Variants in DNAJC1 observed in about 807,000 individuals in gnomAD.
DNAJC1 encodes the protein DnaJ heat shock protein family (Hsp40) member C1.
A neutral mutation model predicts 76.6 loss-of-function variants in DNAJC1; 58 were observed. That is an observed-to-expected ratio of 0.76 (90% CI 0.61 to 0.94). The LOEUF is 0.94. Among genes scored for constraint, DNAJC1 ranks in the 40% least tolerant of loss-of-function variants. The pLI is 0.00. For missense variants in DNAJC1, 689 were observed against 677.3 expected, an observed-to-expected ratio of 1.02 and a Z score of -0.19; for synonymous variants, 258 against 267.9, an observed-to-expected ratio of 0.96 and a Z score of 0.36.
At position 21,759,607 on chromosome 10, in the gene DNAJC1, G is replaced by C. The variant is rs756397331; in HGVS notation, c.1159C>G (p.Leu387Val). The C allele has an allele frequency of 1.9e-6, 3 of 1,613,084 alleles. No individual in the cohort carries two copies. The highest frequency in any genetic ancestry group is 1.3e-5 in the African/African-American group (1 of 75,046). Reference sequence around the variant, plus strand: ...TGAACTGTCGATTTGAGTTCGGAGAGTCTAACCATTCCTAGGAAAGAGGGT... The same window carrying C: ...TGAACTGTCGATTTGAGTTCGGAGACTCTAACCATTCCTAGGAAAGAGGGT... ...SVTCSPGMVR[L>V]SELKSTVQNS... The change falls in exon 11 of 12, where the codon CTC becomes GTC. Residue 387 changes from leucine (L) to valine (V), a missense_variant. Coordinates refer to ENST00000376980, the MANE Select transcript of DNAJC1 (RefSeq NM_022365.4).
intron 9 of DNAJC1, among the ~76,000 whole-genome samples, chr10:21,773,644 A>G (rs1834416763): frequency 6.6e-6 from 1 of 152,182 alleles, no homozygotes; most frequent in South Asian, 2.1e-4. Context: ...AAAGGGAGGT[A>G]TTGAAATTTC....
intron 8 of DNAJC1, among the ~76,000 whole-genome samples, chr10:21,821,353 G>C (rs1835156631): frequency 6.6e-6 from 1 of 152,150 alleles, no homozygotes; most frequent in Non-Finnish European, 1.5e-5. Flanking sequence ...GTGGTATATA[G>C]TTTTACTAAA....
intron 1 of DNAJC1, among the ~76,000 whole-genome samples, chr10:21,990,580 T>C (rs1193718628): frequency 1.3e-5 from 2 of 152,158 alleles, no homozygotes; most frequent in African/African-American, 4.8e-5. Flanking sequence ...ATACAAAAAC[T>C]TAACAGGTTG....
chr10:21,852,095 A>ACC (rs1338664773), intron 8 of DNAJC1, among the ~76,000 whole-genome samples: 4 of 2,136 alleles, frequency 1.9e-3, no homozygotes, highest in African/African-American at 0.01. Context: ...TGTGAGATAC[A>ACC]CACACACACA....
intron 8 of DNAJC1, among the ~76,000 whole-genome samples, chr10:21,880,169 C>A (rs975883680): frequency 3.3e-5 from 5 of 152,336 alleles, no homozygotes; most frequent in African/African-American, 1.2e-4. Flanking sequence ...GCAATTCAGT[C>A]ACATCTTCAG....
In DNAJC1 at chr10:21,773,732, T is replaced by C. The variant is rs117612183; in HGVS notation, c.1099-7423A>G. ...CATTATGTATTTTGGTGTTCTGTTA[T>C]CAGGAGCACACATATTTATAATTGT... is the stretch of plus-strand genomic sequence containing the variant. On this transcript the variant is annotated intron_variant, in intron 9 of 11. Coordinates refer to ENST00000376980, the MANE Select transcript of DNAJC1 (RefSeq NM_022365.4). Among the ~76,000 whole-genome samples, 721 of 152,314 alleles carry C rather than the reference T, an allele frequency of 4.7e-3. 3 individuals are homozygous for C. The highest frequency in any genetic ancestry group is 7.7e-3 in the Non-Finnish European group (524 of 68,022).
At chr10:21,775,002 T>C (rs140554862) in intron 9 of DNAJC1, among the ~76,000 whole-genome samples, 197 of 152,336 alleles carry the variant, frequency 1.3e-3, no homozygotes, top group Non-Finnish European at 2.4e-3. Context: ...AGTTTGAGAA[T>C]AGTTAAGAGT....
chr10:21,967,958 T>C (rs148776996), intron 1 of DNAJC1, among the ~76,000 whole-genome samples: 6 of 152,348 alleles, frequency 3.9e-5, no homozygotes, highest in East Asian at 3.9e-4. Context: ...CAGCCATATA[T>C]CTATACAACT....
At chr10:21,952,657 G>A (rs1031592785) in intron 1 of DNAJC1, among the ~76,000 whole-genome samples, 4 of 152,098 alleles carry the variant, frequency 2.6e-5, no homozygotes, top group African/African-American at 9.7e-5. Context: ...TACTCGGTAG[G>A]CTGAGGTGGG....
At chr10:21,884,517 A>C (rs1052076211) in intron 7 of DNAJC1, among the ~76,000 whole-genome samples, 10 of 152,166 alleles carry the variant, frequency 6.6e-5, no homozygotes, top group African/African-American at 2.4e-4. Context: ...ATTAAAATTA[A>C]CATATACAGC....
intron 8 of DNAJC1, among the ~76,000 whole-genome samples, chr10:21,831,741 G>C (rs1008873376): frequency 5.0e-5 from 7 of 140,784 alleles, no homozygotes; most frequent in Admixed American, 1.5e-4. Flanking sequence ...AGTGAGCTGA[G>C]ATCGCACCAC....
At chr10:21,846,904 G>C (rs1373628864) in intron 8 of DNAJC1, among the ~76,000 whole-genome samples, 1 of 143,438 alleles carries the variant, frequency 7.0e-6, no homozygotes, top group Non-Finnish European at 1.5e-5. Flanking sequence ...TTTAAACTCC[G>C]TTTTCAGTTC....
intron 3 of DNAJC1, among the ~76,000 whole-genome samples, chr10:21,924,682 G>C (rs1837094317): frequency 6.6e-6 from 1 of 152,170 alleles, no homozygotes; most frequent in Non-Finnish European, 1.5e-5. Flanking sequence ...AGGAAAACCT[G>C]TTATAGGCAT....
intron 8 of DNAJC1, among the ~76,000 whole-genome samples, chr10:21,876,648 C>T (rs1368785732): frequency 6.6e-6 from 1 of 152,080 alleles, no homozygotes; most frequent in African/African-American, 2.4e-5. Flanking sequence ...AGATACCTAT[C>T]ATGAAGTTAC....
At chr10:21,819,517 C>G (rs1028146829) in intron 8 of DNAJC1, among the ~76,000 whole-genome samples, 1 of 152,066 alleles carries the variant, frequency 6.6e-6, no homozygotes. Flanking sequence ...ATTATAGAAG[C>G]TTAGAATCAC....
At chr10:21,921,144 T>C (rs1400372778) in intron 3 of DNAJC1, among the ~76,000 whole-genome samples, 181 bp from the exon 4 acceptor site, 1 of 152,024 alleles carries the variant, frequency 6.6e-6, no homozygotes, top group Non-Finnish European at 1.5e-5. Flanking sequence ...CTCTAGTCAC[T>C]GACACCCTTC....
chr10:21,907,038 T>C (rs557004511), intron 6 of DNAJC1, among the ~76,000 whole-genome samples: 2 of 152,306 alleles, frequency 1.3e-5, no homozygotes, highest in African/African-American at 4.8e-5. Context: ...CATTTTGCTG[T>C]ATAATAGCAA....
At chr10:21,974,435 CGAT>C (rs1838031158) in intron 1 of DNAJC1, among the ~76,000 whole-genome samples, 1 of 152,048 alleles carries the variant, frequency 6.6e-6, no homozygotes, top group Non-Finnish European at 1.5e-5. Flanking sequence ...AATCCAGAGC[CGAT>C]TAAGATGCAC....
At chr10:21,924,641 G>A (rs1837093280) in intron 3 of DNAJC1, among the ~76,000 whole-genome samples, 1 of 152,162 alleles carries the variant, frequency 6.6e-6, no homozygotes, top group South Asian at 2.1e-4. Flanking sequence ...GTTTAGAGAA[G>A]GCTGCTAAGC....
Sources: allele counts gnomAD v4.1 joint callset (sites outside exome capture counted in the v4.1 genomes callset), GRCh38; gene constraint gnomAD v4.1.1; transcripts MANE v1.5; gene names NCBI Gene and HGNC (gene_info 2026-07-23, HGNC 2026-07-21).